DEPDC4: variants seen among roughly 807,000 people sequenced by gnomAD.
DEPDC4 encodes the protein DEP domain-containing protein 4.
DEPDC4 carries 52 observed loss-of-function variants against 52.0 expected under a neutral mutation model. The observed-to-expected ratio is 1.00, with a 90% confidence interval of 0.80 to 1.26. DEPDC4 has a LOEUF of 1.26. Among genes scored for constraint, DEPDC4 ranks in the 50% most tolerant of loss-of-function variants. The pLI is 0.00. For missense variants in DEPDC4, 530 were observed against 546.9 expected (o/e 0.97, Z 0.31); for synonymous variants, 201 against 196.8 (o/e 1.02, Z -0.18).
At position 100,241,359 on chromosome 12, in the gene DEPDC4, TTAACA is replaced by T. The variant is rs1354292021; in HGVS notation, c.*528_*532del. ...TTCCTTCTTAAAGTTAAAAACTTCC[TTAACA>T]TATTTTAAGCATGATTAAATTAAAA... On this transcript the variant is annotated 3_prime_UTR_variant, in exon 10 of 10. Transcript: ENST00000550587. Among the ~76,000 whole-genome samples, 2 of 152,180 alleles carry T rather than the reference TTAACA, an allele frequency of 1.3e-5. No homozygotes were observed. Among genetic ancestry groups the T allele is most frequent in the African/African-American group, 2.4e-5 (1 of 41,444 alleles).
At chr12:100,281,411 G>A in the DEPDC4 span, among the ~76,000 whole-genome samples, 2 of 152,060 alleles carry the variant, frequency 1.3e-5, no homozygotes, top group Non-Finnish European at 2.9e-5. Flanking sequence ...TTTGGGCTAG[G>A]TGTGGTGGCT....
In DEPDC4 at chr12:100,241,183, C is replaced by T. The variant is rs1273123755; in HGVS notation, c.*709G>A. 6.6e-6 allele frequency among the ~76,000 whole-genome samples: 1 copy of T among 152,074 alleles called. No homozygotes were observed. Among genetic ancestry groups the T allele is most frequent in the Non-Finnish European group, 1.5e-5 (1 of 68,028 alleles). On this transcript the variant is annotated 3_prime_UTR_variant, in exon 10 of 10. Transcript: ENST00000550587. ...AATCATATACTAAGGAAAATGCATGCTTTCTTCAGAGAGCTTGTGTATGAA... is the reference window on the plus strand; with the variant it reads ...AATCATATACTAAGGAAAATGCATGTTTTCTTCAGAGAGCTTGTGTATGAA...
At position 100,241,728 on chromosome 12, in the gene DEPDC4, T is replaced by G. The variant is rs754328657; in HGVS notation, c.*164A>C. On this transcript the variant is annotated 3_prime_UTR_variant, in exon 10 of 10. Coordinates refer to ENST00000550587, the MANE Select transcript of DEPDC4 (RefSeq NM_001364818.2). ...TTCCTTAATTAATTTCTTTTTTCGT[T>G]TCAGAGAGATGCTGGGGTTACTATT... is the stretch of plus-strand genomic sequence containing the variant. 165 of 1,267,452 alleles carry G rather than the reference T, an allele frequency of 1.3e-4. No individual in the cohort carries two copies. The highest frequency in any genetic ancestry group is 1.6e-4 in the Non-Finnish European group (158 of 978,604). The allele number at this position is 1,267,452 out of a possible 1,614,324, so 78.5% of individuals were successfully genotyped here.
chr12:100,252,634 A>G, intron 5 of DEPDC4, 98 bp from the exon 6 acceptor site: 2 of 1,205,882 alleles, frequency 1.7e-6, no homozygotes, highest in Non-Finnish European at 1.1e-6. Context: ...ACAATGTTGT[A>G]TTAGTTTGCA....
chr12:100,236,125 C>T (rs2096141073), downstream of DEPDC4, among the ~76,000 whole-genome samples: 1 of 152,188 alleles, frequency 6.6e-6, no homozygotes, highest in Non-Finnish European at 1.5e-5. Context: ...CGTATTTTTG[C>T]AATTGTGAAT....
At chr12:100,256,001 T>A in intron 4 of DEPDC4, 48 bp downstream of exon 4, 1 of 1,437,018 alleles carries the variant, frequency 7.0e-7, no homozygotes, top group Non-Finnish European at 9.5e-7. Context: ...GGCAAATATG[T>A]GAAAAAAACT....
In DEPDC4 at chr12:100,256,077, C is replaced by A. The variant is rs2096231183; in HGVS notation, c.850G>T (p.Glu284Ter). ...LVITNTCLDRELIPSLCLPEI... is the reference protein window; with the variant it reads ...LVITNTCLDR ...GGTAGACATAAGCTTGGAATAAGTT[C>A]TCTGTCTAGGCAAGTGTTAGTGATA... The change falls in exon 4 of 10, where the codon GAA becomes TAA. Residue 284 changes from glutamate to a stop codon, truncating the protein, a stop_gained. Transcript: ENST00000550587. LOFTEE classifies it high-confidence loss of function. The A allele has an allele frequency of 1.2e-6, 2 of 1,609,038 alleles. No homozygotes were observed. Among genetic ancestry groups the A allele is most frequent in the Non-Finnish European group, 1.7e-6 (2 of 1,177,680 alleles).
At chr12:100,277,606 G>A in the DEPDC4 span, among the ~76,000 whole-genome samples, 1 of 152,032 alleles carries the variant, frequency 6.6e-6, no homozygotes, top group Non-Finnish European at 1.5e-5. Context: ...CTTTTAAAGT[G>A]GGTTTTTGTA....
chr12:100,243,158 CTCTT>C (rs2096167222), intron 8 of DEPDC4, among the ~76,000 whole-genome samples: 1 of 152,172 alleles, frequency 6.6e-6, no homozygotes, highest in East Asian at 1.9e-4. Flanking sequence ...AATGTGGTCT[CTCTT>C]TCTTAAAATA....
chr12:100,260,590 T>C (rs1231534535), intron 3 of DEPDC4, among the ~76,000 whole-genome samples: 1 of 151,042 alleles, frequency 6.6e-6, no homozygotes, highest in African/African-American at 2.4e-5. Context: ...CAGAGTTCTC[T>C]TACGGCCAGG....
the DEPDC4 span, among the ~76,000 whole-genome samples, chr12:100,273,504 C>T: frequency 1.3e-5 from 2 of 152,114 alleles, no homozygotes; most frequent in African/African-American, 2.4e-5. Context: ...GTATCAGATA[C>T]ATAGTGGATA....
chr12:100,233,890 T>A (rs1368207824), intron 9 of DEPDC4, among the ~76,000 whole-genome samples: 1 of 152,176 alleles, frequency 6.6e-6, no homozygotes, highest in Admixed American at 6.5e-5. Context: ...AAAAAAAATT[T>A]TTTTTGGAGT....
At chr12:100,279,723 A>G in the DEPDC4 span, among the ~76,000 whole-genome samples, 1 of 152,196 alleles carries the variant, frequency 6.6e-6, no homozygotes, top group African/African-American at 2.4e-5. Flanking sequence ...TGATTGTCTT[A>G]GTGGTCAGTG....
At chr12:100,257,836 T>C (rs2096240476) in intron 3 of DEPDC4, 1 of 152,260 alleles carries the variant, frequency 6.6e-6, no homozygotes, top group South Asian at 2.1e-4. Context: ...ACAGTTATAG[T>C]AAGTTTCTTG....
At chr12:100,255,943 A>T (rs1170012022) in intron 4 of DEPDC4, 106 bp downstream of exon 4, 2 of 728,542 alleles carry the variant, frequency 2.7e-6, no homozygotes, top group Non-Finnish European at 4.4e-6. Context: ...AAAGAGAGAT[A>T]GTATAAGCTT....
chr12:100,253,846 G>C (rs977428703), intron 4 of DEPDC4, 131 bp from the exon 5 acceptor site: 1 of 425,832 alleles, frequency 2.3e-6, no homozygotes. Context: ...TTATTTTTTG[G>C]GAGAAGCATT....
At chr12:100,234,769 A>T (rs1483425607) in intron 9 of DEPDC4, among the ~76,000 whole-genome samples, 3 of 152,220 alleles carry the variant, frequency 2.0e-5, no homozygotes, top group Non-Finnish European at 4.4e-5. Context: ...AGCTGGATTT[A>T]TTTATACAGA....
At chr12:100,276,293 A>G in the DEPDC4 span, among the ~76,000 whole-genome samples, 1 of 151,938 alleles carries the variant, frequency 6.6e-6, no homozygotes, top group Non-Finnish European at 1.5e-5. Context: ...AATTTCTGTT[A>G]TTGGTCATTT....
At chr12:100,265,866 G>A (rs916620735) in intron 1 of DEPDC4, among the ~76,000 whole-genome samples, 16 of 152,174 alleles carry the variant, frequency 1.1e-4, no homozygotes, top group African/African-American at 3.9e-4. Context: ...CTTCAAACGA[G>A]TAACCTTGGG....
Sources: allele counts gnomAD v4.1 joint callset (sites outside exome capture counted in the v4.1 genomes callset), GRCh38; gene constraint gnomAD v4.1.1; transcripts MANE v1.5; gene names NCBI Gene and HGNC (gene_info 2026-07-23, HGNC 2026-07-21).